The following STAT5B variants were observed in gnomAD, a reference collection of about 807,000 sequenced individuals.
The protein encoded by STAT5B is transcription factor STAT5B.
STAT5B carries 21 observed loss-of-function variants against 107.8 expected under a neutral mutation model. The ratio of observed to expected loss-of-function variants is 0.19; its 90% CI spans 0.14 to 0.28. STAT5B has a LOEUF of 0.28. STAT5B is among the 10% of genes least tolerant of loss of function. STAT5B has a pLI of 1.00. For missense variants in STAT5B, 565 were observed against 1,008.2 expected, an observed-to-expected ratio of 0.56 and a Z score of 5.95; for synonymous variants, 325 against 401.7, an observed-to-expected ratio of 0.81 and a Z score of 2.28.
chr17:42,267,789 T>A (rs2080686462), intron 1 of STAT5B, among the ~76,000 whole-genome samples: 1 of 151,796 alleles, frequency 6.6e-6, no homozygotes, highest in South Asian at 2.1e-4. Context: ...TGAAACCCCG[T>A]CTCTACTAAA....
At chr17:42,260,431 C>T (rs1341855146) in intron 1 of STAT5B, among the ~76,000 whole-genome samples, 1 of 151,828 alleles carries the variant, frequency 6.6e-6, no homozygotes, top group Non-Finnish European at 1.5e-5. Flanking sequence ...TTTTTTGAGA[C>T]AGGGTCTCAC....
At chr17:42,287,337 C>CCCCG in the STAT5B span, among the ~76,000 whole-genome samples, 338 of 151,134 alleles carry the variant, frequency 2.2e-3, 5 homozygotes, top group African/African-American at 7.0e-3. Flanking sequence ...TGCACCCCCC[C>CCCCG]CAACAGAACA....
chr17:42,201,618 T>G lies in STAT5B; in HGVS notation c.*120A>C. The G allele has an allele frequency of 1.3e-6, 1 of 797,484 alleles. No homozygotes were observed. Among genetic ancestry groups the G allele is most frequent in the African/African-American group, 1.7e-5 (1 of 58,952 alleles). The allele number at this position is 797,484 out of a possible 1,614,324, so 49.4% of individuals were successfully genotyped here. On this transcript the variant is annotated 3_prime_UTR_variant, in exon 19 of 19. Coordinates refer to ENST00000293328, the MANE Select transcript of STAT5B (RefSeq NM_012448.4). ...ACAGAAACACTAAGGTCACAACTAG[T>G]ATTAACACTTCACATTATGAGTATT...
At chr17:42,215,835 T>C (rs1189507156) in intron 12 of STAT5B, among the ~76,000 whole-genome samples, 179 bp downstream of exon 12, 1 of 152,206 alleles carries the variant, frequency 6.6e-6, no homozygotes. Context: ...TTGGCCAGGC[T>C]GGTCTCGAAC....
In STAT5B at chr17:42,249,218, C is replaced by G. The variant is rs375476519; in HGVS notation, c.-10-17081G>C. Among the ~76,000 whole-genome samples, 12 of 152,152 alleles carry G rather than the reference C, an allele frequency of 7.9e-5. No individual in the cohort carries two copies. In the East Asian group the frequency reaches 1.7e-3, roughly 22 times the overall value. On this transcript the variant is annotated intron_variant, in intron 1 of 18. Transcript: ENST00000293328. ...ACCAGTCTGGCTAGCATGGTGAAAC[C>G]CCGTCTCTACCAAAAATATACAAAA...
At chr17:42,205,764 C>T (rs771017839) in intron 16 of STAT5B, among the ~76,000 whole-genome samples, 1 of 152,038 alleles carries the variant, frequency 6.6e-6, no homozygotes, top group African/African-American at 2.4e-5. Flanking sequence ...AAATAATTAA[C>T]CAGGATTGGT....
rs1185858204 is a variant in STAT5B at position 42,262,996 on chromosome 17, A to G, written c.-11+13252T>C. Among the ~76,000 whole-genome samples the G allele has an allele frequency of 3.9e-4, 25 of 63,510 alleles. No individual in the cohort carries two copies. In the South Asian group the frequency reaches 4.6e-3, roughly 12 times the overall value. The allele number at this position is 63,510 out of a possible 152,430, so 41.7% of individuals were successfully genotyped here. On this transcript the variant is annotated intron_variant, in intron 1 of 18. Coordinates refer to ENST00000293328, the MANE Select transcript of STAT5B (RefSeq NM_012448.4). ...TATATATATATATATATATATATAT[A>G]TATATATATATATATATATAAAAAA...
At chr17:42,266,842 C>A (rs1567678957) in intron 1 of STAT5B, among the ~76,000 whole-genome samples, 1 of 152,164 alleles carries the variant, frequency 6.6e-6, no homozygotes. Context: ...ATACCTTCAA[C>A]ATGAGGAGAA....
chr17:42,217,795 C>G (rs1883620970), intron 9 of STAT5B: 1 of 440,262 alleles, frequency 2.3e-6, no homozygotes, highest in Non-Finnish European at 4.2e-6. Flanking sequence ...ATCTCTGCCT[C>G]CCAGGTTCAA....
chr17:42,204,953 C>T (rs558504241), intron 16 of STAT5B, among the ~76,000 whole-genome samples: 3 of 152,160 alleles, frequency 2.0e-5, no homozygotes, highest in African/African-American at 7.2e-5. Flanking sequence ...ATGTAACTCA[C>T]CATACAGTGG....
the STAT5B span, among the ~76,000 whole-genome samples, chr17:42,283,879 A>G: frequency 6.6e-6 from 1 of 152,208 alleles, no homozygotes; most frequent in African/African-American, 2.4e-5. Context: ...CACTTCTAGA[A>G]GCCTTCTCCG....
At chr17:42,227,805 T>C in intron 2 of STAT5B, 120 bp from the exon 3 acceptor site, 1 of 1,063,794 alleles carries the variant, frequency 9.4e-7, no homozygotes. Flanking sequence ...TCACTGCAAA[T>C]TTTAAGAAAC....
chr17:42,217,429 A>G lies in STAT5B; in HGVS notation c.1205T>C (p.Val402Ala). The G allele has an allele frequency of 6.2e-7, 1 of 1,614,226 alleles. No individual in the cohort carries two copies. The highest frequency in any genetic ancestry group is 8.5e-7 in the Non-Finnish European group (1 of 1,180,046). Residue 402 changes from valine (V) to alanine (A), a missense_variant, in exon 10 of 19, where the codon GTC becomes GCC. Coordinates refer to ENST00000293328, the MANE Select transcript of STAT5B (RefSeq NM_012448.4). ...GCCTGTGGCTTGGTGGTACTCCATG[A>G]CGCAGCAGTTGTTCAAGATCTCGCC... is the stretch of plus-strand genomic sequence containing the variant. ...YSGEILNNCC[V>A]MEYHQATGTL...
At chr17:42,232,991 G>A (rs183984032) in intron 1 of STAT5B, among the ~76,000 whole-genome samples, 34 of 151,640 alleles carry the variant, frequency 2.2e-4, no homozygotes, top group Non-Finnish European at 3.1e-4. Flanking sequence ...ACAGGTGCCC[G>A]CCACCGCACC....
chr17:42,249,329 G>A (rs1407921945), intron 1 of STAT5B, among the ~76,000 whole-genome samples: 1 of 152,100 alleles, frequency 6.6e-6, no homozygotes, highest in Non-Finnish European at 1.5e-5. Flanking sequence ...GGAGGTGGAG[G>A]TAGCAGAGAG....
upstream of STAT5B, among the ~76,000 whole-genome samples, chr17:42,278,089 C>T (rs1002783827): frequency 3.9e-5 from 6 of 152,182 alleles, no homozygotes; most frequent in African/African-American, 4.8e-5. Context: ...TTCATCCCTG[C>T]ACACATGCTA....
chr17:42,201,054 G>A lies in STAT5B; in HGVS notation c.*684C>T, dbSNP rs755565616. The A allele has an allele frequency of 1.5e-5, 6 of 400,698 alleles. No homozygotes were observed. Among genetic ancestry groups the A allele is most frequent in the African/African-American group, 4.1e-5 (2 of 48,630 alleles). The allele number at this position is 400,698 out of a possible 1,614,324, so 24.8% of individuals were successfully genotyped here. A position where few individuals can be genotyped will look rare whatever the true frequency, so the allele number is the denominator to read the frequency against. On this transcript the variant is annotated 3_prime_UTR_variant, in exon 19 of 19. Coordinates refer to ENST00000293328, the MANE Select transcript of STAT5B (RefSeq NM_012448.4). ...GGGTGCGGGCGGGCAGGAGGGGAGAGAGGACAAAGAGAGAATAAGATGAGC... is the reference window on the plus strand; with the variant it reads ...GGGTGCGGGCGGGCAGGAGGGGAGAAAGGACAAAGAGAGAATAAGATGAGC...
intron 1 of STAT5B, among the ~76,000 whole-genome samples, chr17:42,242,793 C>T (rs1343718676): frequency 6.6e-6 from 1 of 152,112 alleles, no homozygotes; most frequent in East Asian, 1.9e-4. Flanking sequence ...CATGGTGAAA[C>T]CCTGTCTCTA....
At chr17:42,219,117 G>A (rs911037717) in intron 7 of STAT5B, among the ~76,000 whole-genome samples, 195 bp downstream of exon 7, 2 of 152,196 alleles carry the variant, frequency 1.3e-5, no homozygotes, top group African/African-American at 4.8e-5. Flanking sequence ...CCCATCTCCA[G>A]GACAGCAGCC....
Sources: gnomAD v4.1 joint callset for allele counts (sites outside exome capture counted in the v4.1 genomes callset) on GRCh38, gnomAD v4.1.1 for gene constraint, MANE v1.5 for transcripts, NCBI Gene and HGNC (gene_info 2026-07-23, HGNC 2026-07-21) for gene names.